The following BANK1 variants were observed in gnomAD, a reference collection of about 807,000 sequenced individuals.
BANK1 encodes B cell scaffold protein with ankyrin repeats 1.
In BANK1, 95 loss-of-function variants were observed where a neutral mutation model predicts 94.5. The observed-to-expected ratio is 1.00, with a 90% CI of 0.85 to 1.19. The LOEUF (loss-of-function observed/expected upper bound fraction) is 1.19. Among genes scored for constraint, BANK1 ranks in the 50% most tolerant of loss-of-function variants. The pLI, the probability that BANK1 is intolerant of heterozygous loss-of-function variation, is 0.00. For synonymous variants in BANK1, 334 were observed against 308.4 expected (o/e 1.08, Z -0.87); for missense variants, 987 against 932.2 (o/e 1.06, Z -0.77).
At chr4:101,950,414 A>G (rs1417408651) in intron 7 of BANK1, among the ~76,000 whole-genome samples, 2 of 152,112 alleles carry the variant, frequency 1.3e-5, no homozygotes, top group African/African-American at 2.4e-5. Flanking sequence ...TTTAAAGAGA[A>G]CTAAGATCTA....
rs1159413800 is a variant in BANK1, at chr4:101,855,231, TATG to T, written c.624+43_624+45del. ...TGTTATTTAAGTGACCCCATTGTGTTATGGTGGTGGTGGTGGTTGTTGTTGTTT... is the reference window on the plus strand; with the variant it reads ...TGTTATTTAAGTGACCCCATTGTGTTGTGGTGGTGGTGGTTGTTGTTGTTT... On this transcript the variant is annotated intron_variant, in intron 3 of 16. Transcript: ENST00000322953. 2.5e-6 allele frequency: 4 copies of T among 1,571,194 alleles called. No homozygotes were observed. The South Asian group carries it at 3.6e-5, about 14-fold the overall frequency.
Position 102,030,038 on chromosome 4 carries a change from C to A in BANK1, c.1673C>A (p.Pro558His), listed in dbSNP as rs1727236163. Residue 558 changes from proline to histidine, a missense_variant, in exon 10 of 17, where the codon CCC becomes CAC. Coordinates refer to ENST00000322953, the MANE Select transcript of BANK1 (RefSeq NM_017935.5). ...GTTAGACAAGAAACAGGAGATGAACCCAAAGGAGAAAAAGAGAAGAAAGAA... is the reference window on the plus strand; with the variant it reads ...GTTAGACAAGAAACAGGAGATGAACACAAAGGAGAAAAAGAGAAGAAAGAA... ...PGVRQETGDE[P>H]KGEKEKKEEE... The A allele has an allele frequency of 6.2e-7, 1 of 1,612,758 alleles. No homozygotes were observed. Among genetic ancestry groups the A allele is most frequent in the Non-Finnish European group, 8.5e-7 (1 of 1,179,670 alleles).
chr4:101,866,162 G>C (rs554403875), intron 4 of BANK1, among the ~76,000 whole-genome samples: 2 of 151,912 alleles, frequency 1.3e-5, no homozygotes, highest in South Asian at 4.2e-4. Flanking sequence ...CTTTGAGAAA[G>C]AATCAACAGG....
At chr4:101,895,753 A>G (rs909161805) in intron 6 of BANK1, among the ~76,000 whole-genome samples, 3 of 151,902 alleles carry the variant, frequency 2.0e-5, no homozygotes, top group Admixed American at 1.3e-4. Flanking sequence ...TTTTACAAAG[A>G]TAAGTAATTG....
chr4:101,796,344 A>T (rs539896041), intron 1 of BANK1, among the ~76,000 whole-genome samples: 1 of 152,242 alleles, frequency 6.6e-6, no homozygotes, highest in East Asian at 1.9e-4. Context: ...GGAAAAAAAA[A>T]GTTTGGGCTA....
At chr4:101,799,524 T>A (rs967160208) in intron 1 of BANK1, among the ~76,000 whole-genome samples, 5 of 152,190 alleles carry the variant, frequency 3.3e-5, no homozygotes, top group African/African-American at 1.2e-4. Context: ...GTGGCACTAT[T>A]CACAATAGCA....
chr4:101,904,711 C>T (rs1289767169), intron 6 of BANK1, among the ~76,000 whole-genome samples: 3 of 152,100 alleles, frequency 2.0e-5, no homozygotes, highest in Admixed American at 2.0e-4. Flanking sequence ...AAATCTCTTC[C>T]CCATAAATTT....
intron 2 of BANK1, among the ~76,000 whole-genome samples, chr4:101,841,510 G>A (rs573351487): frequency 5.9e-5 from 9 of 151,874 alleles, no homozygotes; most frequent in Non-Finnish European, 1.2e-4. Flanking sequence ...ACTATTCCAT[G>A]GGAAATGAAA....
intron 7 of BANK1, among the ~76,000 whole-genome samples, chr4:101,991,647 A>ATG (rs758796475): frequency 3.9e-5 from 6 of 152,226 alleles, no homozygotes; most frequent in Non-Finnish European, 8.8e-5. Context: ...TACAAGCCTC[A>ATG]TGCCATAAGG....
chr4:102,029,732 T>C (rs1560696528), intron 9 of BANK1, among the ~76,000 whole-genome samples: 1 of 152,032 alleles, frequency 6.6e-6, no homozygotes, highest in Non-Finnish European at 1.5e-5. Context: ...TAATACAATT[T>C]AAACTACAAA....
chr4:101,907,979 C>A (rs1004284704), intron 6 of BANK1, among the ~76,000 whole-genome samples: 1 of 152,130 alleles, frequency 6.6e-6, no homozygotes, highest in African/African-American at 2.4e-5. Flanking sequence ...AGCCATACTG[C>A]CCAAGGTAAT....
chr4:101,905,705 G>A (rs539264655), intron 6 of BANK1, among the ~76,000 whole-genome samples: 4 of 152,134 alleles, frequency 2.6e-5, no homozygotes, highest in Admixed American at 6.5e-5. Context: ...AATTGCCTCC[G>A]ATACCATCAC....
intron 7 of BANK1, among the ~76,000 whole-genome samples, chr4:101,950,506 C>T (rs1461970100): frequency 2.6e-5 from 4 of 152,164 alleles, no homozygotes; most frequent in South Asian, 2.1e-4. Context: ...GAGTGCTTCA[C>T]TCAGGAAGGA....
intron 7 of BANK1, among the ~76,000 whole-genome samples, chr4:101,988,502 A>G (rs1458284414): frequency 2.0e-5 from 3 of 152,188 alleles, no homozygotes; most frequent in African/African-American, 7.2e-5. Context: ...ACTGCTGGAC[A>G]TAATGTGCCT....
chr4:101,918,070 C>T lies in BANK1; in HGVS notation c.1087C>T (p.Leu363Phe). ...FGLKNLAIHL[L>F]QCSGATWASK... is the part of the protein sequence containing the mutation. ...CTTAAAGAACCTGGCTATTCATTTG[C>T]TTCAATGTTCAGGAGCAACCTGGGC... Residue 363 changes from leucine to phenylalanine, a missense_variant, in exon 7 of 17, where the codon CTT (leucine) becomes TTT (phenylalanine). Leu to Phe is a conservative substitution (Grantham distance 22). Coordinates refer to ENST00000322953, the MANE Select transcript of BANK1 (RefSeq NM_017935.5). 1 of 1,611,780 alleles carries T rather than the reference C, an allele frequency of 6.2e-7. No individual in the cohort carries two copies. The highest frequency in any genetic ancestry group is 8.5e-7 in the Non-Finnish European group (1 of 1,178,518).
chr4:101,826,437 C>T (rs746278279), intron 1 of BANK1, among the ~76,000 whole-genome samples: 3 of 151,908 alleles, frequency 2.0e-5, no homozygotes, highest in Admixed American at 1.3e-4. Flanking sequence ...AATGAAACAG[C>T]ATGTGTGAAA....
chr4:101,847,905 A>T (rs1727316863), intron 2 of BANK1, among the ~76,000 whole-genome samples: 1 of 152,028 alleles, frequency 6.6e-6, no homozygotes, highest in African/African-American at 2.4e-5. Context: ...AAATTGTTAC[A>T]AAGTTCAGCT....
At chr4:101,844,845 C>T (rs1031062052) in intron 2 of BANK1, among the ~76,000 whole-genome samples, 1 of 152,118 alleles carries the variant, frequency 6.6e-6, no homozygotes, top group African/African-American at 2.4e-5. Context: ...TCTTTTAGGG[C>T]TTTATCTATC....
intron 1 of BANK1, among the ~76,000 whole-genome samples, chr4:101,808,893 G>A (rs1725650284): frequency 6.6e-6 from 1 of 152,138 alleles, no homozygotes; most frequent in South Asian, 2.1e-4. Context: ...TTTTACACTG[G>A]TAGTGGGAAT....
Sources: allele counts gnomAD v4.1 joint callset (sites outside exome capture counted in the v4.1 genomes callset), GRCh38; gene constraint gnomAD v4.1.1; transcripts MANE v1.5; gene names NCBI Gene and HGNC (gene_info 2026-07-23, HGNC 2026-07-21).